Variants in ITGBL1 observed in about 807,000 individuals in gnomAD.
ITGBL1 encodes the protein integrin subunit beta like 1.
In ITGBL1, 51 loss-of-function variants were observed where a neutral mutation model predicts 68.5. That is an observed-to-expected ratio of 0.74 (90% CI 0.59 to 0.94). The LOEUF (loss-of-function observed/expected upper bound fraction) is 0.94, where lower values mean the gene tolerates loss of function less well. ITGBL1 is among the 40% of genes least tolerant of loss of function. The probability of loss-of-function intolerance (pLI) is 0.00; values close to 1 mark genes in which losing one functional copy is unlikely to be tolerated. For missense variants in ITGBL1, 649 were observed against 647.4 expected (o/e 1.00, Z -0.03); for synonymous variants, 209 against 227.3 (o/e 0.92, Z 0.72).
downstream of ITGBL1, chr13:101,717,949 G>C (rs1033852457): frequency 3.3e-5 from 5 of 152,094 alleles, no homozygotes; most frequent in African/African-American, 1.2e-4. Flanking sequence ...TCTCATGTAA[G>C]AAGAGTGTCA....
intron 7 of ITGBL1, among the ~76,000 whole-genome samples, chr13:101,608,376 T>TG (rs1477833010): frequency 2.6e-5 from 4 of 151,984 alleles, no homozygotes; most frequent in Non-Finnish European, 4.4e-5. Context: ...TCTTTCCTTT[T>TG]TTTTTTTCTT....
At chr13:101,506,251 G>A (rs1391469556) in intron 2 of ITGBL1, among the ~76,000 whole-genome samples, 1 of 152,066 alleles carries the variant, frequency 6.6e-6, no homozygotes, top group Admixed American at 6.5e-5. Context: ...AGACCAGGAG[G>A]CATATCTCTC....
At chr13:101,629,655 T>A (rs7982014) in intron 7 of ITGBL1, among the ~76,000 whole-genome samples, 104,380 of 151,858 alleles carry the variant, frequency 0.69, 35,994 homozygotes, top group Middle Eastern at 0.8. Context: ...TAAATAAAAT[T>A]TTAACTATTT....
At chr13:101,603,504 A>C (rs1319630802) in intron 7 of ITGBL1, among the ~76,000 whole-genome samples, 1 of 151,972 alleles carries the variant, frequency 6.6e-6, no homozygotes, top group Non-Finnish European at 1.5e-5. Flanking sequence ...GTGCTGCATA[A>C]GCCATCATGC....
chr13:101,480,225 CA>C (rs1364255337), intron 2 of ITGBL1, among the ~76,000 whole-genome samples: 3 of 151,982 alleles, frequency 2.0e-5, no homozygotes, highest in African/African-American at 4.8e-5. Context: ...AACAAAAAGA[CA>C]GACTCTGCAT....
At chr13:101,505,328 C>T (rs2049010069) in intron 2 of ITGBL1, among the ~76,000 whole-genome samples, 1 of 152,022 alleles carries the variant, frequency 6.6e-6, no homozygotes, top group Non-Finnish European at 1.5e-5. Context: ...ATGAACACTT[C>T]CTGAGTCCCT....
At chr13:101,483,627 CTGGGCTATT>C (rs1405795896) in intron 2 of ITGBL1, among the ~76,000 whole-genome samples, 1 of 152,148 alleles carries the variant, frequency 6.6e-6, no homozygotes, top group African/African-American at 2.4e-5. Flanking sequence ...ACTATTAATA[CTGGGCTATT>C]TGGGCTAGTG....
chr13:101,621,806 A>G lies in ITGBL1; in HGVS notation c.1015+23507A>G, dbSNP rs139332557. Among the ~76,000 whole-genome samples, 243 of 152,218 alleles carry G rather than the reference A, an allele frequency of 1.6e-3. 1 individual carries two copies. Among genetic ancestry groups the G allele is most frequent in the African/African-American group, 5.7e-3 (237 of 41,552 alleles). ...GGGAATGAGACTGTTGGCAATGACA[A>G]ATTAAAGTTTGAGGGGATAATTGAA... On this transcript the variant is annotated intron_variant, in intron 7 of 10. Transcript: ENST00000376180.
rs902585372 is a variant in ITGBL1, at chr13:101,663,662, A to G, written c.1016-28923A>G. Among the ~76,000 whole-genome samples the G allele has an allele frequency of 9.2e-5, 14 of 152,306 alleles. No homozygotes were observed. The East Asian group carries it at 1.2e-3, about 13-fold the overall frequency. On this transcript the variant is annotated intron_variant, in intron 7 of 10. Coordinates refer to ENST00000376180, the MANE Select transcript of ITGBL1 (RefSeq NM_004791.3). The stretch of plus-strand genomic sequence containing the variant: ...TACAAGGTTTCCCAATCAAAAGCAG[A>G]TGAGATAGTGGTTGAGGCCAAGGCA...
chr13:101,710,233 G>T (rs1223417662), intron 9 of ITGBL1, among the ~76,000 whole-genome samples: 1 of 152,166 alleles, frequency 6.6e-6, no homozygotes, highest in Non-Finnish European at 1.5e-5. Context: ...CTGCCTCAAG[G>T]CTGCACATTT....
chr13:101,518,965 A>G (rs548022320), intron 2 of ITGBL1, among the ~76,000 whole-genome samples: 1 of 152,326 alleles, frequency 6.6e-6, no homozygotes, highest in Non-Finnish European at 1.5e-5. Flanking sequence ...ACTTAGACAT[A>G]CAAGTTGAAG....
intron 2 of ITGBL1, among the ~76,000 whole-genome samples, chr13:101,503,770 C>T (rs2048981251): frequency 6.6e-6 from 1 of 152,188 alleles, no homozygotes; most frequent in Non-Finnish European, 1.5e-5. Context: ...GAATGGTAGA[C>T]TTGAGACTTT....
At chr13:101,646,006 T>G (rs1244889621) in intron 7 of ITGBL1, among the ~76,000 whole-genome samples, 1 of 152,246 alleles carries the variant, frequency 6.6e-6, no homozygotes, top group Non-Finnish European at 1.5e-5. Flanking sequence ...AATGCTGTTC[T>G]CTGCCTAATG....
chr13:101,533,830 A>C (rs1301966663), intron 2 of ITGBL1, among the ~76,000 whole-genome samples: 1 of 152,216 alleles, frequency 6.6e-6, no homozygotes, highest in Non-Finnish European at 1.5e-5. Context: ...ATTCTTTTCT[A>C]ATAAAAACAA....
At chr13:101,598,939 G>A (rs1432493500) in intron 7 of ITGBL1, among the ~76,000 whole-genome samples, 4 of 152,052 alleles carry the variant, frequency 2.6e-5, no homozygotes, top group Non-Finnish European at 5.9e-5. Context: ...ATAATCCCCT[G>A]GGTATATGCC....
Position 101,715,738 on chromosome 13 carries a change from A to G in ITGBL1, c.*84A>G. 2 of 809,788 alleles carry G rather than the reference A, an allele frequency of 2.5e-6. No individual in the cohort carries two copies. Among genetic ancestry groups the G allele is most frequent in the South Asian group, 1.5e-5 (1 of 64,642 alleles). The allele number at this position is 809,788 out of a possible 1,614,324, so 50.2% of individuals were successfully genotyped here. On this transcript the variant is annotated 3_prime_UTR_variant, in exon 11 of 11. Transcript: ENST00000376180. ...GCGAAGGAAACCATGTATATTCACC[A>G]CTAGGACAGGTTAAAAAGACCATTG...
intron 7 of ITGBL1, among the ~76,000 whole-genome samples, chr13:101,667,161 G>T (rs571861577): frequency 1.3e-5 from 2 of 152,144 alleles, no homozygotes; most frequent in African/African-American, 2.4e-5. Context: ...TTTTTAAACT[G>T]ATGGGAAAAT....
At chr13:101,601,040 A>G (rs2030341728) in intron 7 of ITGBL1, among the ~76,000 whole-genome samples, 1 of 152,220 alleles carries the variant, frequency 6.6e-6, no homozygotes, top group African/African-American at 2.4e-5. Context: ...TACCTCTGGT[A>G]GAATTCGGCT....
chr13:101,695,112 T>C (rs2033972778), intron 8 of ITGBL1, among the ~76,000 whole-genome samples: 1 of 152,142 alleles, frequency 6.6e-6, no homozygotes, highest in South Asian at 2.1e-4. Flanking sequence ...GGAATATACA[T>C]AACGGGGATT....
Sources: gnomAD v4.1 joint callset for allele counts (sites outside exome capture counted in the v4.1 genomes callset) on GRCh38, gnomAD v4.1.1 for gene constraint, MANE v1.5 for transcripts, NCBI Gene and HGNC (gene_info 2026-07-23, HGNC 2026-07-21) for gene names.